The following TMEM131 variants were observed in gnomAD, a reference collection of about 807,000 sequenced individuals.
The protein encoded by TMEM131 is 2610524E03Rik.
Under a neutral mutation model 211.6 loss-of-function variants are expected in TMEM131, and 66 were observed. The observed-to-expected ratio is 0.31, with a 90% CI of 0.26 to 0.38. The LOEUF is 0.38. TMEM131 is among the 10% of genes least tolerant of loss of function. TMEM131 has a pLI of 1.00. For missense variants in TMEM131, 2,036 were observed against 2,299.3 expected, an observed-to-expected ratio of 0.89 and a Z score of 2.34; for synonymous variants, 844 against 841.3, an observed-to-expected ratio of 1.00 and a Z score of -0.06.
At chr2:97,839,388 C>T (rs964622021) in intron 7 of TMEM131, among the ~76,000 whole-genome samples, 7 of 151,960 alleles carry the variant, frequency 4.6e-5, no homozygotes, top group Non-Finnish European at 7.4e-5. Context: ...ATTAAAAAGT[C>T]GCCTACTGAT....
At chr2:97,961,621 C>T (rs1678820366) in intron 1 of TMEM131, among the ~76,000 whole-genome samples, 1 of 152,134 alleles carries the variant, frequency 6.6e-6, no homozygotes, top group South Asian at 2.1e-4. Context: ...CATACTGCCT[C>T]CCTTTAAAGA....
intron 4 of TMEM131, among the ~76,000 whole-genome samples, chr2:97,863,789 G>A (rs980374588): frequency 2.0e-5 from 3 of 152,172 alleles, no homozygotes; most frequent in Non-Finnish European, 4.4e-5. Context: ...GAATGTATTA[G>A]TACAAACACT....
intron 15 of TMEM131, among the ~76,000 whole-genome samples, chr2:97,813,176 AAGCTAAACTACTAAGAGAGG>A (rs1181739868): frequency 6.6e-6 from 1 of 152,184 alleles, no homozygotes; most frequent in Admixed American, 6.5e-5. Context: ...AAGAGGCAGG[AAGCTAAACTACTAAGAGAGG>A]TTTAGTGGAA....
intron 19 of TMEM131, among the ~76,000 whole-genome samples, chr2:97,806,874 A>G (rs1487319881): frequency 6.6e-6 from 1 of 152,146 alleles, no homozygotes; most frequent in Non-Finnish European, 1.5e-5. Flanking sequence ...CTCCTCATTT[A>G]CAGCCCAGTG....
chr2:97,796,738 C>T (rs575026621), intron 27 of TMEM131, 106 bp downstream of exon 27: 2 of 1,140,666 alleles, frequency 1.8e-6, no homozygotes, highest in South Asian at 3.1e-5. Context: ...GCATTCATAA[C>T]TAATATACAC....
At position 97,908,498 on chromosome 2, in the gene TMEM131, T is replaced by G. The variant is rs1292638522; in HGVS notation, c.290+160A>C. 5.3e-5 allele frequency among the ~76,000 whole-genome samples: 8 copies of G among 152,164 alleles called. No individual in the cohort carries two copies. In the East Asian group the frequency reaches 1.5e-3, roughly 29 times the overall value. Reference sequence around the variant, plus strand: ...TGATGTGCACATTCAAACTTAAACCTGGTTTCCCACACACAACACTTAGAA... The same window carrying G: ...TGATGTGCACATTCAAACTTAAACCGGGTTTCCCACACACAACACTTAGAA... On this transcript the variant is annotated intron_variant, in intron 3 of 40. Transcript: ENST00000186436.
intron 1 of TMEM131, 93 bp downstream of exon 1, chr2:97,995,383 C>G: frequency 1.6e-6 from 2 of 1,220,688 alleles, no homozygotes; most frequent in Non-Finnish European, 2.1e-6. Context: ...GCCGGAGCCC[C>G]GGCCGCGGCC....
intron 1 of TMEM131, among the ~76,000 whole-genome samples, chr2:97,951,858 T>TA: frequency 6.6e-6 from 1 of 152,026 alleles, no homozygotes; most frequent in Non-Finnish European, 1.5e-5. Context: ...AAGACAGATC[T>TA]AAAGAAGTGT....
rs375947406 is a variant in TMEM131 at position 97,801,922 on chromosome 2, T to C, written c.2691A>G (p.Thr897=). 5.0e-6 allele frequency: 8 copies of C among 1,608,216 alleles called. No individual in the cohort carries two copies. In the African/African-American group the frequency reaches 8.0e-5, roughly 16 times the overall value. Residue 897 remains threonine (T), a synonymous_variant, in exon 25 of 41, where the codon ACA becomes ACG. Coordinates refer to ENST00000186436, the MANE Select transcript of TMEM131 (RefSeq NM_015348.2). Reference sequence around the variant, plus strand: ...TGTTTCTGAAGACTTGAAATTCTAGTGTTCTCAAATCTATCTTTGCCACCT... The same window carrying C: ...TGTTTCTGAAGACTTGAAATTCTAGCGTTCTCAAATCTATCTTTGCCACCT... The part of the protein sequence containing the change: ...LSKVAKIDLR[T]LEFQVFRNSA...
chr2:97,867,538 A>G (rs977761144), intron 4 of TMEM131, among the ~76,000 whole-genome samples: 1 of 152,024 alleles, frequency 6.6e-6, no homozygotes, highest in Non-Finnish European at 1.5e-5. Context: ...GTCACTGGGG[A>G]AGGGGTGGTA....
intron 33 of TMEM131, among the ~76,000 whole-genome samples, chr2:97,771,829 A>T (rs927584310): frequency 2.6e-5 from 4 of 152,214 alleles, no homozygotes; most frequent in Non-Finnish European, 5.9e-5. Flanking sequence ...GACTGGTGAC[A>T]CCTGCTCTGA....
At chr2:97,995,307 G>A (rs1159783999) in intron 1 of TMEM131, among the ~76,000 whole-genome samples, 169 bp downstream of exon 1, 2 of 152,202 alleles carry the variant, frequency 1.3e-5, no homozygotes, top group African/African-American at 4.8e-5. Context: ...GGAGAGCGAA[G>A]GCCACTCCGT....
intron 11 of TMEM131, among the ~76,000 whole-genome samples, chr2:97,825,894 T>G (rs1183055038): frequency 2.6e-5 from 4 of 152,204 alleles, no homozygotes; most frequent in Non-Finnish European, 5.9e-5. Context: ...AATGGCATAG[T>G]AGGTGCCAAA....
chr2:97,811,148 G>C lies in TMEM131; in HGVS notation c.1948C>G (p.Gln650Glu), dbSNP rs1333256638. ...CTTACCTCATAGTCTGTTGTGATCTGGATGGCTCCATCATGAATCCCCTCT... is the reference window on the plus strand; with the variant it reads ...CTTACCTCATAGTCTGTTGTGATCTCGATGGCTCCATCATGAATCCCCTCT... The part of the protein sequence containing the change: ...KLEGIHDGAI[Q>E]ITTDYEILTI... Residue 650 changes from glutamine to glutamate, a missense_variant, in exon 18 of 41, where the codon CAG (glutamine) becomes GAG (glutamate). Gln to Glu is a conservative substitution (Grantham distance 29). Around this residue, in one of 3 missense-constraint regions of TMEM131, gnomAD observed 1,623 missense variants for 1,805.9 expected, o/e 0.90. Coordinates refer to ENST00000186436, the MANE Select transcript of TMEM131 (RefSeq NM_015348.2). 2 of 1,613,322 alleles carry C rather than the reference G, an allele frequency of 1.2e-6. No individual in the cohort carries two copies. Among genetic ancestry groups the C allele is most frequent in the Admixed American group, 3.3e-5 (2 of 59,982 alleles).
chr2:97,966,868 T>A (rs1679081725), intron 1 of TMEM131, among the ~76,000 whole-genome samples: 1 of 152,140 alleles, frequency 6.6e-6, no homozygotes, highest in Non-Finnish European at 1.5e-5. Context: ...GTCAGCAGTC[T>A]GTTTACTCTC....
intron 11 of TMEM131, among the ~76,000 whole-genome samples, chr2:97,823,462 G>C (rs1200664199): frequency 6.6e-6 from 1 of 152,174 alleles, no homozygotes; most frequent in Non-Finnish European, 1.5e-5. Context: ...GCTATTGTTA[G>C]ATCAAACCCT....
At chr2:97,758,131 CAAA>C (rs539032323) in intron 40 of TMEM131, among the ~76,000 whole-genome samples, 8 of 86,010 alleles carry the variant, frequency 9.3e-5, no homozygotes, top group African/African-American at 1.4e-4. Flanking sequence ...GACTCTGTCT[CAAA>C]AAAAAAAAAA....
At chr2:97,809,630 A>C in intron 19 of TMEM131, 58 bp downstream of exon 19, 1 of 1,181,744 alleles carries the variant, frequency 8.5e-7, no homozygotes. Context: ...AGGAACACAG[A>C]GCTAAAGGCA....
intron 7 of TMEM131, among the ~76,000 whole-genome samples, chr2:97,840,931 T>C (rs554205802): frequency 6.6e-6 from 1 of 152,348 alleles, no homozygotes; most frequent in African/African-American, 2.4e-5. Context: ...TCATCCTCAT[T>C]TCCTCTTCCA....
Sources: allele counts gnomAD v4.1 joint callset (sites outside exome capture counted in the v4.1 genomes callset), GRCh38; gene constraint gnomAD v4.1.1; regional missense constraint gnomAD v4.1.1; transcripts MANE v1.5; gene names NCBI Gene and HGNC (gene_info 2026-07-23, HGNC 2026-07-21).